The following DGKG variants were observed in gnomAD, a reference collection of about 807,000 sequenced individuals.
DGKG encodes the protein diacylglycerol kinase gamma.
DGKG carries 78 observed loss-of-function variants against 105.3 expected under a neutral mutation model. The ratio of observed to expected loss-of-function variants is 0.74; its 90% CI spans 0.62 to 0.89. The LOEUF (loss-of-function observed/expected upper bound fraction) is 0.89, where lower values mean the gene tolerates loss of function less well. Ranked by LOEUF, DGKG falls within the 40% of genes least tolerant of loss-of-function variation. DGKG has a pLI of 0.00. For synonymous variants in DGKG, 346 were observed against 367.1 expected (o/e 0.94, Z 0.66); for missense variants, 958 against 1,020.1 (o/e 0.94, Z 0.83).
At chr3:186,161,321 G>A in intron 24 of DGKG, 1 of 1,264,444 alleles carries the variant, frequency 7.9e-7, no homozygotes, top group East Asian at 3.9e-5. Flanking sequence ...AGTAGATGAA[G>A]TCTCAGAATT....
intron 2 of DGKG, 139 bp from the exon 3 acceptor site, chr3:186,307,116 C>T (rs1305602362): frequency 3.1e-6 from 2 of 643,538 alleles, no homozygotes; most frequent in East Asian, 2.7e-5. Context: ...TCACCCTCTT[C>T]TACCCTTTGT....
chr3:186,197,006 G>A (rs1718212043), intron 21 of DGKG, among the ~76,000 whole-genome samples: 1 of 152,176 alleles, frequency 6.6e-6, no homozygotes, highest in South Asian at 2.1e-4. Flanking sequence ...CATCTTGTTG[G>A]ATGAATGGAT....
intron 22 of DGKG, among the ~76,000 whole-genome samples, chr3:186,175,910 C>T (rs1717055937): frequency 2.0e-5 from 3 of 152,220 alleles, no homozygotes; most frequent in African/African-American, 7.2e-5. Context: ...AACTTAACAA[C>T]AACAACAAAC....
At chr3:186,316,394 T>C (rs1724821416) in intron 2 of DGKG, among the ~76,000 whole-genome samples, 1 of 152,266 alleles carries the variant, frequency 6.6e-6, no homozygotes, top group South Asian at 2.1e-4. Flanking sequence ...TGTATATATG[T>C]ATATGTGCTT....
At chr3:186,303,979 G>A (rs960231461) in intron 3 of DGKG, among the ~76,000 whole-genome samples, 1 of 152,254 alleles carries the variant, frequency 6.6e-6, no homozygotes, top group African/African-American at 2.4e-5. Context: ...GAAGTCAGCT[G>A]CACTGTGTGA....
At chr3:186,291,649 G>T (rs6787918) in intron 5 of DGKG, among the ~76,000 whole-genome samples, 105,328 of 151,604 alleles carry the variant, frequency 0.69, 36,744 homozygotes, top group East Asian at 0.89. Flanking sequence ...AAAGAGTAGA[G>T]AGTGTATGAT....
At chr3:186,307,334 T>C (rs1317149656) in intron 2 of DGKG, among the ~76,000 whole-genome samples, 1 of 152,188 alleles carries the variant, frequency 6.6e-6, no homozygotes, top group African/African-American at 2.4e-5. Flanking sequence ...ATTCCTCATT[T>C]CCCTATTTAC....
Position 186,320,394 on chromosome 3 carries a change from T to C in DGKG, c.66A>G (p.Glu22=). The change falls in exon 2 of 25, where the codon GAA becomes GAG. Residue 22 remains glutamate, a splice_region_variant and synonymous_variant. Coordinates refer to ENST00000265022, the MANE Select transcript of DGKG (RefSeq NM_001346.3). ...EEFDQLQKYS[E]YSSKKIKDAL... is the part of the protein sequence containing the mutation. ...AGGGCTGTCAATGCATTTACTCACA[T>C]TCTGAATATTTCTGGAGTTGGTCAA... 2 of 1,614,212 alleles carry C rather than the reference T, an allele frequency of 1.2e-6. No homozygotes were observed. The highest frequency in any genetic ancestry group is 1.7e-6 in the Non-Finnish European group (2 of 1,180,024).
chr3:186,302,406 C>T (rs1723961731), intron 3 of DGKG, among the ~76,000 whole-genome samples: 2 of 148,626 alleles, frequency 1.3e-5, no homozygotes, highest in African/African-American at 4.9e-5. Flanking sequence ...ATATATGTAT[C>T]TCCACTCACA....
chr3:186,162,605 T>G (rs1716350021), intron 23 of DGKG, among the ~76,000 whole-genome samples: 1 of 152,228 alleles, frequency 6.6e-6, no homozygotes, highest in African/African-American at 2.4e-5. Context: ...AGTGGCACCA[T>G]CTCGGCTCAC....
At chr3:186,316,557 T>C (rs1724829002) in intron 2 of DGKG, among the ~76,000 whole-genome samples, 1 of 152,252 alleles carries the variant, frequency 6.6e-6, no homozygotes, top group South Asian at 2.1e-4. Context: ...ATAAGTACTT[T>C]ACATTGTAGA....
intron 19 of DGKG, among the ~76,000 whole-genome samples, chr3:186,244,792 C>T (rs1720859961): frequency 6.6e-6 from 1 of 152,024 alleles, no homozygotes; most frequent in African/African-American, 2.4e-5. Flanking sequence ...TGTGCGGACC[C>T]CAGAGAGGCC....
chr3:186,218,971 T>C (rs1398657610), intron 20 of DGKG, among the ~76,000 whole-genome samples: 1 of 152,006 alleles, frequency 6.6e-6, no homozygotes, highest in Non-Finnish European at 1.5e-5. Context: ...TAAATAATAA[T>C]TTAGCAAATC....
intron 23 of DGKG, among the ~76,000 whole-genome samples, chr3:186,162,361 C>A (rs1414290389): frequency 6.6e-6 from 1 of 152,216 alleles, no homozygotes; most frequent in Non-Finnish European, 1.5e-5. Flanking sequence ...CTCAAACAGT[C>A]AGCTAGAAGG....
chr3:186,193,924 A>G (rs1294272831), intron 21 of DGKG, among the ~76,000 whole-genome samples: 3 of 152,320 alleles, frequency 2.0e-5, no homozygotes, highest in African/African-American at 7.2e-5. Flanking sequence ...GGAACCAGGG[A>G]TTTATAGCCC....
intron 22 of DGKG, among the ~76,000 whole-genome samples, chr3:186,187,052 G>C (rs890526768): frequency 6.6e-6 from 1 of 152,242 alleles, no homozygotes; most frequent in African/African-American, 2.4e-5. Flanking sequence ...AGTGGCAGAA[G>C]AGGAGGTCTG....
At chr3:186,333,938 G>A (rs1023187047) in intron 1 of DGKG, among the ~76,000 whole-genome samples, 5 of 152,098 alleles carry the variant, frequency 3.3e-5, no homozygotes, top group African/African-American at 7.2e-5. Context: ...GTAAAACCAC[G>A]CTCAGCTTGG....
At chr3:186,154,472 C>T (rs542485415) in intron 24 of DGKG, among the ~76,000 whole-genome samples, 3 of 151,832 alleles carry the variant, frequency 2.0e-5, no homozygotes, top group African/African-American at 4.8e-5. Context: ...GGTGAAATCC[C>T]GTCTCTACTA....
chr3:186,275,432 G>T, intron 10 of DGKG, 115 bp downstream of exon 10: 1 of 873,018 alleles, frequency 1.1e-6, no homozygotes. Flanking sequence ...GACAATATGG[G>T]TGGTCCCTCA....
Sources: gnomAD v4.1 joint callset for allele counts (sites outside exome capture counted in the v4.1 genomes callset) on GRCh38, gnomAD v4.1.1 for gene constraint, MANE v1.5 for transcripts, NCBI Gene and HGNC (gene_info 2026-07-23, HGNC 2026-07-21) for gene names.